BRF1: variants seen among roughly 807,000 people sequenced by gnomAD.
BRF1 encodes the protein transcription factor IIIB 90 kDa subunit.
Under a neutral mutation model 81.7 loss-of-function variants are expected in BRF1, and 59 were observed. That is an observed-to-expected ratio of 0.72 (90% CI 0.59 to 0.90). The LOEUF (loss-of-function observed/expected upper bound fraction) is 0.90. BRF1 is among the 40% of genes least tolerant of loss of function. The pLI, the probability that BRF1 is intolerant of heterozygous loss-of-function variation, is 0.00. For synonymous variants in BRF1, 491 were observed against 395.6 expected (o/e 1.24, Z -2.86); for missense variants, 1,050 against 936.3 (o/e 1.12, Z -1.58).
At chr14:105,256,458 G>C (rs138631228) in intron 4 of BRF1, 60 bp downstream of exon 4, 2 of 1,613,790 alleles carry the variant, frequency 1.2e-6, no homozygotes, top group African/African-American at 1.3e-5. Context: ...TCACAACCCT[G>C]GTCACAACCC....
intron 3 of BRF1, among the ~76,000 whole-genome samples, chr14:105,264,335 G>A (rs769238358): frequency 2.6e-5 from 4 of 151,434 alleles, no homozygotes; most frequent in Admixed American, 2.6e-4. Flanking sequence ...AGGAGTTCAA[G>A]ACCAGCCTGG....
In BRF1 at chr14:105,292,286, C is replaced by A. The variant is rs587613483; in HGVS notation, c.185-5910G>T. On this transcript the variant is annotated intron_variant, in intron 1 of 17. Coordinates refer to ENST00000547530, the MANE Select transcript of BRF1 (RefSeq NM_001519.4). ...GCAACCTCCACCTCCCGGGTTCAAG[C>A]GATTCTCATGCCTCAGTCTCCCAAG... Among the ~76,000 whole-genome samples, 23 of 152,260 alleles carry A rather than the reference C, an allele frequency of 1.5e-4. No individual in the cohort carries two copies. In the East Asian group the frequency reaches 4.5e-3, roughly 29 times the overall value.
intron 4 of BRF1, among the ~76,000 whole-genome samples, chr14:105,255,089 C>T (rs925496094): frequency 1.3e-5 from 2 of 152,182 alleles, no homozygotes; most frequent in Non-Finnish European, 2.9e-5. Flanking sequence ...CAACCTGGGT[C>T]TGCCCTAAGG....
chr14:105,292,694 T>A (rs1252513991), intron 1 of BRF1, among the ~76,000 whole-genome samples: 3 of 152,198 alleles, frequency 2.0e-5, no homozygotes, highest in South Asian at 4.1e-4. Flanking sequence ...CTGGTGGGGC[T>A]GGATGCAGTA....
chr14:105,265,649 C>T (rs2056377523), intron 3 of BRF1, among the ~76,000 whole-genome samples: 1 of 152,058 alleles, frequency 6.6e-6, no homozygotes, highest in African/African-American at 2.4e-5. Context: ...GTAATCCCAG[C>T]AGTATTGGGA....
chr14:105,300,246 A>T (rs1484797101), intron 1 of BRF1, among the ~76,000 whole-genome samples, 200 bp downstream of exon 1: 1 of 152,090 alleles, frequency 6.6e-6, no homozygotes, highest in African/African-American at 2.4e-5. Context: ...AAGTCCACGC[A>T]CGCCACGGGG....
In BRF1 at chr14:105,254,460, C is replaced by T. The variant is rs187128731; in HGVS notation, c.472-1881G>A. Among the ~76,000 whole-genome samples the T allele has an allele frequency of 4.9e-3, 747 of 152,154 alleles. 9 individuals carry two copies. Among genetic ancestry groups the T allele is most frequent in the Admixed American group, 3.1e-3 (48 of 15,276 alleles). On this transcript the variant is annotated intron_variant, in intron 4 of 17. Transcript: ENST00000547530. ...TTTTAGTAGAGATGGAGTTTCACCG[C>T]GTTAGACAGGATGGTCTCGATCTCC... is the stretch of plus-strand genomic sequence containing the variant.
intron 15 of BRF1, among the ~76,000 whole-genome samples, chr14:105,216,257 G>C (rs1427636794): frequency 6.6e-6 from 1 of 152,214 alleles, no homozygotes; most frequent in African/African-American, 2.4e-5. Flanking sequence ...CCAGGCACCA[G>C]AATCACCCAA....
At chr14:105,249,567 ACTCCTCTCC>A in intron 5 of BRF1, 1 of 1,585,328 alleles carries the variant, frequency 6.3e-7, no homozygotes, top group Non-Finnish European at 8.6e-7. Context: ...GAGCTGATGG[ACTCCTCTCC>A]CAGGCCCAGC....
intron 1 of BRF1, among the ~76,000 whole-genome samples, chr14:105,308,739 C>A (rs368906221): frequency 1.6e-4 from 24 of 152,108 alleles, no homozygotes; most frequent in African/African-American, 5.1e-4. Context: ...CCTCAGCCCC[C>A]CAAAGTGCTG....
chr14:105,229,670 AC>A (rs1480971025), intron 6 of BRF1, among the ~76,000 whole-genome samples: 1 of 149,804 alleles, frequency 6.7e-6, no homozygotes, highest in African/African-American at 2.5e-5. Context: ...GCCCCGTGGC[AC>A]CCTCAGGAGC....
In BRF1 at chr14:105,220,104, C is replaced by A; in HGVS notation, c.1342G>T (p.Asp448Tyr). ...TCCAGGTCATCAATGCCACTGAGGT[C>A]CAGCTCACCGTCTCCTGAAGCATCT... Reference protein sequence around the residue: ...PKDASGDGELDLSGIDDLEID... With the variant: ...PKDASGDGELYLSGIDDLEID... Residue 448 changes from aspartate (D) to tyrosine (Y), a missense_variant, in exon 12 of 18, where the codon GAC becomes TAC. Asp to Tyr is a radical substitution (Grantham distance 160, BLOSUM62 -3). Coordinates refer to ENST00000547530, the MANE Select transcript of BRF1 (RefSeq NM_001519.4). The A allele has an allele frequency of 6.2e-7, 1 of 1,613,538 alleles. No homozygotes were observed. Among genetic ancestry groups the A allele is most frequent in the Non-Finnish European group, 8.5e-7 (1 of 1,180,014 alleles).
At chr14:105,241,685 T>A (rs2054661233) in intron 5 of BRF1, 1 of 517,968 alleles carries the variant, frequency 1.9e-6, no homozygotes, top group Non-Finnish European at 3.5e-6. Flanking sequence ...ATGGCCGCCC[T>A]GCTCAGGACA....
At chr14:105,303,181 G>A (rs2058088588), upstream of BRF1, among the ~76,000 whole-genome samples, 1 of 152,102 alleles carries the variant, frequency 6.6e-6, no homozygotes. Flanking sequence ...CACCTGTCTT[G>A]GTCTCCCAAA....
chr14:105,293,581 G>C (rs1395545940), intron 1 of BRF1, among the ~76,000 whole-genome samples: 1 of 152,220 alleles, frequency 6.6e-6, no homozygotes, highest in South Asian at 2.1e-4. Context: ...ACACTGATGT[G>C]GGCTCACAGG....
Position 105,217,680 on chromosome 14 carries a change from G to C in BRF1, c.1636C>G (p.Leu546Val), listed in dbSNP as rs1270959342. The C allele has an allele frequency of 1.9e-6, 3 of 1,613,292 alleles. No individual in the cohort carries two copies. The highest frequency in any genetic ancestry group is 1.1e-5 in the South Asian group (1 of 91,088). ...GGACTGCCCCCGCCGGCGCTGCTGA[G>C]GCCCCGGAGCACGCTATAATTGATC... ...SKINYSVLRG[L>V]SSAGGGSPHR... Residue 546 changes from leucine to valine, a missense_variant, in exon 15 of 18, where the codon CTC (leucine) becomes GTC (valine). By Grantham distance (32) the Leu-to-Val change is conservative. Transcript: ENST00000547530.
intron 15 of BRF1, among the ~76,000 whole-genome samples, chr14:105,214,901 A>G (rs1890829909): frequency 6.6e-6 from 1 of 152,056 alleles, no homozygotes; most frequent in African/African-American, 2.4e-5. Context: ...TGTGGGTGAA[A>G]AGCTGCCCCC....
intron 5 of BRF1, chr14:105,248,697 G>GCGC (rs1170574227): frequency 3.1e-6 from 3 of 982,352 alleles, no homozygotes; most frequent in South Asian, 4.7e-5. Context: ...GCGGGTCACA[G>GCGC]CGCCGCCGCC....
rs138316872 is a variant in BRF1, at chr14:105,281,574, G to A, written c.265+4722C>T. ...GCCCGGGTGTGTGGACAGAGCCTGC[G>A]TGATCCTGATGAGTCGATGTGGGGC... On this transcript the variant is annotated intron_variant, in intron 2 of 17. Transcript: ENST00000547530. Among the ~76,000 whole-genome samples the A allele has an allele frequency of 4.4e-3, 662 of 152,172 alleles. 1 individual carries two copies. The highest frequency in any genetic ancestry group is 6.2e-3 in the Non-Finnish European group (423 of 67,998).
Sources: allele counts gnomAD v4.1 joint callset (sites outside exome capture counted in the v4.1 genomes callset), GRCh38; gene constraint gnomAD v4.1.1; transcripts MANE v1.5; gene names NCBI Gene and HGNC (gene_info 2026-07-23, HGNC 2026-07-21).